MYO1E: variants seen among roughly 807,000 people sequenced by gnomAD.
MYO1E encodes the protein unconventional myosin-Ie.
Under a neutral mutation model 151.1 loss-of-function variants are expected in MYO1E, and 68 were observed. The ratio of observed to expected loss-of-function variants is 0.45; its 90% CI spans 0.37 to 0.55. The LOEUF is 0.55. Ranked by LOEUF, MYO1E falls within the 20% of genes least tolerant of loss-of-function variation. The pLI, the probability that MYO1E is intolerant of heterozygous loss-of-function variation, is 0.00. For synonymous variants in MYO1E, 601 were observed against 501.7 expected, an observed-to-expected ratio of 1.20 and a Z score of -2.64; for missense variants, 1,363 against 1,389.3, an observed-to-expected ratio of 0.98 and a Z score of 0.30.
intron 1 of MYO1E, among the ~76,000 whole-genome samples, chr15:59,280,293 T>C (rs112803965): frequency 5.3e-5 from 8 of 152,302 alleles, no homozygotes; most frequent in African/African-American, 1.9e-4. Context: ...AACTCTAAGA[T>C]GCATTCTTTT....
intron 1 of MYO1E, among the ~76,000 whole-genome samples, chr15:59,336,682 T>C (rs2080730866): frequency 6.6e-6 from 1 of 152,080 alleles, no homozygotes; most frequent in African/African-American, 2.4e-5. Flanking sequence ...ACACGTGCCA[T>C]GATGGTTTGC....
At chr15:59,304,699 G>GA (rs1170883732) in intron 1 of MYO1E, among the ~76,000 whole-genome samples, 1 of 152,200 alleles carries the variant, frequency 6.6e-6, no homozygotes, top group African/African-American at 2.4e-5. Context: ...AAATGCCCGG[G>GA]AATCAGGCTC....
At chr15:59,151,051 GCGCGCGCGCGCA>G (rs2079474245) in intron 26 of MYO1E, among the ~76,000 whole-genome samples, 1 of 137,932 alleles carries the variant, frequency 7.2e-6, no homozygotes, top group Non-Finnish European at 1.6e-5. Context: ...ACACACACAC[GCGCGCGCGCGCA>G]CGTGCACTTA....
chr15:59,308,042 C>T (rs1407408445), intron 1 of MYO1E, among the ~76,000 whole-genome samples: 2 of 148,422 alleles, frequency 1.3e-5, no homozygotes, highest in Non-Finnish European at 3.0e-5. Flanking sequence ...CATGGTGAAA[C>T]CCTGTCTCTA....
At position 59,135,116 on chromosome 15, in the gene MYO1E, A is replaced by C. The variant is rs540368798; in HGVS notation, c.*2264T>G. 6.6e-6 allele frequency: 1 copy of C among 152,232 alleles called. No homozygotes were observed. Among genetic ancestry groups the C allele is most frequent in the East Asian group, 1.9e-4 (1 of 5,176 alleles). The allele number at this position is 152,232 out of a possible 1,614,324, so 9.4% of individuals were successfully genotyped here. On this transcript the variant is annotated 3_prime_UTR_variant, in exon 28 of 28. Transcript: ENST00000288235. ...TCCTTCCCCTGTGGGTCACTTACCT[A>C]TTTCAGCACCATTTGTTGGGCATCT...
chr15:59,213,691 G>A (rs1442296631), intron 12 of MYO1E, among the ~76,000 whole-genome samples: 1 of 145,246 alleles, frequency 6.9e-6, no homozygotes, highest in Non-Finnish European at 1.5e-5. Flanking sequence ...GAACTCCCGG[G>A]CTCAAGCAAT....
At chr15:59,337,959 G>T (rs935748938) in intron 1 of MYO1E, among the ~76,000 whole-genome samples, 11 of 152,292 alleles carry the variant, frequency 7.2e-5, no homozygotes, top group Admixed American at 6.5e-4. Context: ...TCCATGATGT[G>T]GCTAATATGG....
At chr15:59,235,598 T>C (rs2140357347) in intron 5 of MYO1E, among the ~76,000 whole-genome samples, 1 of 152,354 alleles carries the variant, frequency 6.6e-6, no homozygotes, top group East Asian at 1.9e-4. Context: ...ACTTAAGTTG[T>C]TTCCAGTCTT....
chr15:59,173,206 G>A (rs867652096), intron 21 of MYO1E, among the ~76,000 whole-genome samples: 2 of 152,174 alleles, frequency 1.3e-5, no homozygotes, highest in African/African-American at 2.4e-5. Flanking sequence ...TTGATTCAAC[G>A]ATTTCACTCC....
intron 1 of MYO1E, among the ~76,000 whole-genome samples, chr15:59,367,087 A>G (rs1163238396): frequency 3.3e-5 from 5 of 151,896 alleles, no homozygotes; most frequent in Admixed American, 3.3e-4. Context: ...CATGAAGCTT[A>G]TAATACCTTG....
intron 10 of MYO1E, among the ~76,000 whole-genome samples, chr15:59,215,840 A>G (rs2079910370): frequency 1.3e-5 from 2 of 152,148 alleles, no homozygotes; most frequent in African/African-American, 4.8e-5. Flanking sequence ...TGCTCTGAAC[A>G]AAGAGAAAAG....
At chr15:59,281,861 A>C (rs1343451668) in intron 1 of MYO1E, among the ~76,000 whole-genome samples, 1 of 152,002 alleles carries the variant, frequency 6.6e-6, no homozygotes, top group East Asian at 1.9e-4. Flanking sequence ...GGCTTTGGGA[A>C]GCAAAGGTGA....
intron 26 of MYO1E, among the ~76,000 whole-genome samples, chr15:59,148,515 T>C (rs2079455545): frequency 2.0e-5 from 3 of 152,216 alleles, no homozygotes; most frequent in South Asian, 2.1e-4. Context: ...CTTAAAAATA[T>C]GCTGTGTTCC....
chr15:59,207,962 C>T (rs1243786900), intron 14 of MYO1E: 8 of 1,613,884 alleles, frequency 5.0e-6, no homozygotes, highest in Non-Finnish European at 6.8e-6. Flanking sequence ...CTCAGTATTC[C>T]TTGTATCCTG....
intron 19 of MYO1E, among the ~76,000 whole-genome samples, chr15:59,178,119 C>T (rs1271149875): frequency 2.6e-5 from 4 of 152,126 alleles, no homozygotes; most frequent in Non-Finnish European, 5.9e-5. Flanking sequence ...TAGAGAGGAG[C>T]GAGACAGTCA....
intron 25 of MYO1E, among the ~76,000 whole-genome samples, chr15:59,156,057 C>G (rs1277586342): frequency 6.6e-6 from 1 of 152,232 alleles, no homozygotes; most frequent in Non-Finnish European, 1.5e-5. Context: ...GGGTCTCACT[C>G]TGTTACTCAG....
chr15:59,174,205 A>C lies in MYO1E; in HGVS notation c.2085T>G (p.Tyr695Ter), dbSNP rs778868018. 1 of 1,614,060 alleles carries C rather than the reference A, an allele frequency of 6.2e-7. No individual in the cohort carries two copies. The highest frequency in any genetic ancestry group is 8.5e-7 in the Non-Finnish European group (1 of 1,179,952). ...TCTGTATCACTCGAGCATACCCATC[A>C]TACTTTCTCTCTCTCATCTCTTCTA... The part of the protein sequence containing the change: ...FLLEEMRERK[Y>*]DGYARVIQKS... Residue 695 changes from tyrosine (Y) to a stop codon, truncating the protein, a stop_gained, in exon 20 of 28, where the codon TAT becomes TAG. Transcript: ENST00000288235. LOFTEE classifies it high-confidence loss of function.
Position 59,254,960 on chromosome 15 carries a change from G to A in MYO1E, c.332+1324C>T, listed in dbSNP as rs143782451. On this transcript the variant is annotated intron_variant, in intron 4 of 27. Transcript: ENST00000288235. ...CCTGCCTCAGCCTCCTGAGTATCTG[G>A]GACTACAGGCATGTACCACCACACC... Among the ~76,000 whole-genome samples, 153 of 152,100 alleles carry A rather than the reference G, an allele frequency of 1.0e-3. 1 individual carries two copies. Among genetic ancestry groups the A allele is most frequent in the Middle Eastern group, 3.4e-3 (1 of 294 alleles).
chr15:59,173,238 T>A (rs1413171644), intron 21 of MYO1E, among the ~76,000 whole-genome samples: 4 of 152,204 alleles, frequency 2.6e-5, no homozygotes, highest in African/African-American at 4.8e-5. Context: ...TCTAAAAATA[T>A]TAGGAGACAG....
Sources: allele counts gnomAD v4.1 joint callset (sites outside exome capture counted in the v4.1 genomes callset), GRCh38; gene constraint gnomAD v4.1.1; transcripts MANE v1.5; gene names NCBI Gene and HGNC (gene_info 2026-07-23, HGNC 2026-07-21).